PACS2: variants seen among roughly 807,000 people sequenced by gnomAD.
The protein encoded by PACS2 is PACS1-like protein.
Under a neutral mutation model 113.0 loss-of-function variants are expected in PACS2, and 36 were observed. The observed-to-expected ratio is 0.32, with a 90% CI of 0.24 to 0.42. The LOEUF is 0.42. Among genes scored for constraint, PACS2 ranks in the 10% least tolerant of loss-of-function variants. The probability of loss-of-function intolerance (pLI) is 1.00; values close to 1 mark genes in which losing one functional copy is unlikely to be tolerated. For missense variants in PACS2, 1,015 were observed against 1,239.5 expected, an observed-to-expected ratio of 0.82 and a Z score of 2.72; for synonymous variants, 589 against 536.1, an observed-to-expected ratio of 1.10 and a Z score of -1.36.
At position 105,380,102 on chromosome 14, in the gene PACS2, G is replaced by A. The variant is rs782336809; in HGVS notation, c.1073G>A (p.Arg358Gln). The A allele has an allele frequency of 8.4e-6, 13 of 1,553,084 alleles. No homozygotes were observed. Among genetic ancestry groups the A allele is most frequent in the South Asian group, 8.3e-5 (7 of 84,180 alleles). ...CAGGCTGACGTGCCCGAGAAGACGC[G>A]GTCCCTGGGAGGCAGGCAGCCGAGC... ...PSPADVPEKT[R>Q]SLGGRQPSDS... Residue 358 changes from arginine (R) to glutamine (Q), a missense_variant, in exon 11 of 25, where the codon CGG (arginine) becomes CAG (glutamine). Around this residue, in one of 3 missense-constraint regions of PACS2, gnomAD observed 859 missense variants for 1,056.8 expected, o/e 0.81. Transcript: ENST00000447393.
rs2060462366 is a variant in PACS2 at position 105,356,704 on chromosome 14, C to T, written c.423+1527C>T. Among the ~76,000 whole-genome samples, 2 of 151,306 alleles carry T rather than the reference C, an allele frequency of 1.3e-5. No homozygotes were observed. Among genetic ancestry groups the T allele is most frequent in the East Asian group, 2.0e-4 (1 of 5,128 alleles). On this transcript the variant is annotated intron_variant, in intron 4 of 24. Coordinates refer to ENST00000447393, the MANE Select transcript of PACS2 (RefSeq NM_001100913.3). This position sits in a 1 kb window ranked among gnomAD's most constrained non-coding sequence, Gnocchi z 4.0. ...TGATCCCTGCCGGTCCCTGTGTTTC[C>T]CATTAGCCATGCAGGCGAGGTCCTG...
chr14:105,385,077 G>A (rs1464338303), intron 18 of PACS2, 90 bp downstream of exon 18: 7 of 855,044 alleles, frequency 8.2e-6, no homozygotes, highest in Non-Finnish European at 1.3e-5. Context: ...GGCTTGGCCT[G>A]GTGGGCCGCA....
chr14:105,388,264 G>A (rs587594332), intron 19 of PACS2, among the ~76,000 whole-genome samples: 57 of 152,358 alleles, frequency 3.7e-4, no homozygotes, highest in African/African-American at 1.3e-3. Flanking sequence ...CTTGCCAGCC[G>A]CCGTCTCCTC....
Position 105,323,165 on chromosome 14 carries a change from C to T in PACS2, c.119+8128C>T, listed in dbSNP as rs1473275086. Among the ~76,000 whole-genome samples the T allele has an allele frequency of 6.6e-6, 1 of 152,210 alleles. No individual in the cohort carries two copies. The highest frequency in any genetic ancestry group is 1.5e-5 in the Non-Finnish European group (1 of 68,046). ...GCCTGAGTCGGGGTTACTAGACTTG[C>T]TGACTTTGTGGATCGATGATTTTCA... On this transcript the variant is annotated intron_variant, in intron 1 of 24. Transcript: ENST00000447393. This position sits in a 1 kb window ranked among gnomAD's most constrained non-coding sequence, Gnocchi z 4.1.
intron 4 of PACS2, among the ~76,000 whole-genome samples, chr14:105,362,956 C>T (rs1021344837): frequency 7.9e-5 from 12 of 152,064 alleles, no homozygotes; most frequent in Non-Finnish European, 1.8e-4. Flanking sequence ...CTGCGAGTCT[C>T]CAGCAGAGCT....
intron 1 of PACS2, among the ~76,000 whole-genome samples, chr14:105,306,871 G>C (rs2058203252): frequency 6.6e-6 from 1 of 151,982 alleles, no homozygotes; most frequent in Admixed American, 6.6e-5. Context: ...CTCCCAAAGT[G>C]CTGGGATTAC....
intron 1 of PACS2, among the ~76,000 whole-genome samples, chr14:105,327,063 G>A (rs2059139363): frequency 1.3e-5 from 2 of 152,234 alleles, no homozygotes; most frequent in South Asian, 4.1e-4. Flanking sequence ...GCTGAGCGTG[G>A]CTTATGTTTA....
chr14:105,381,382 C>G (rs1163848659), intron 12 of PACS2, among the ~76,000 whole-genome samples: 1 of 152,244 alleles, frequency 6.6e-6, no homozygotes, highest in African/African-American at 2.4e-5. Flanking sequence ...TGAGTAGCCC[C>G]TGCCTCAGCC....
At position 105,391,724 on chromosome 14, in the gene PACS2, C is replaced by A; in HGVS notation, c.2213C>A (p.Pro738Gln). The A allele has an allele frequency of 6.3e-7, 1 of 1,598,042 alleles. No homozygotes were observed. Among genetic ancestry groups the A allele is most frequent in the East Asian group, 2.3e-5 (1 of 44,270 alleles). The change falls in exon 22 of 25, where the codon CCG becomes CAG. Residue 738 changes from proline (P) to glutamine (Q), a missense_variant. Pro to Gln is a moderately conservative substitution (Grantham distance 76, BLOSUM62 -1). Around this residue, in one of 3 missense-constraint regions of PACS2, gnomAD observed 859 missense variants for 1,056.8 expected, o/e 0.81. Coordinates refer to ENST00000447393, the MANE Select transcript of PACS2 (RefSeq NM_001100913.3). The part of the protein sequence containing the change: ...SPAAKEASPT[P>Q]PSSPSVSGGL... Reference sequence around the variant, plus strand: ...GCGGCCAAGGAGGCCTCACCCACCCCGCCCTCCTCCCCGTCGGTGAGCGGA... The same window carrying A: ...GCGGCCAAGGAGGCCTCACCCACCCAGCCCTCCTCCCCGTCGGTGAGCGGA...
rs782653328 is a variant in PACS2 at position 105,368,137 on chromosome 14, T to G, written c.650T>G (p.Val217Gly). The part of the protein sequence containing the change: ...SSEQEASDDA[V>G]QGQDLDEDDF... Reference sequence around the variant, plus strand: ...GAGCAGGAGGCCAGTGACGACGCCGTGCAGGGGCAGGTGACCTGGGGCCGG... The same window carrying G: ...GAGCAGGAGGCCAGTGACGACGCCGGGCAGGGGCAGGTGACCTGGGGCCGG... The change falls in exon 6 of 25, where the codon GTG (valine) becomes GGG (glycine). Residue 217 changes from valine to glycine, a missense_variant. Physicochemically the swap from Val to Gly is moderately radical, Grantham distance 109. Around this residue, in one of 3 missense-constraint regions of PACS2, gnomAD observed 859 missense variants for 1,056.8 expected, o/e 0.81. Transcript: ENST00000447393. The G allele has an allele frequency of 6.2e-7, 1 of 1,608,244 alleles. No individual in the cohort carries two copies. The highest frequency in any genetic ancestry group is 1.7e-5 in the Admixed American group (1 of 60,006).
chr14:105,377,791 G>C (rs2080838046), intron 9 of PACS2, among the ~76,000 whole-genome samples: 1 of 152,242 alleles, frequency 6.6e-6, no homozygotes, highest in Non-Finnish European at 1.5e-5. Flanking sequence ...ACCAGAAACA[G>C]CCTCTGTTCC....
intron 4 of PACS2, among the ~76,000 whole-genome samples, chr14:105,361,049 TCCA>T (rs1253842192): frequency 6.6e-6 from 1 of 152,268 alleles, no homozygotes; most frequent in Non-Finnish European, 1.5e-5. Context: ...TCTTGCTATT[TCCA>T]CCACATGTGC....
chr14:105,344,054 A>G (rs1272914520), intron 1 of PACS2, among the ~76,000 whole-genome samples: 3 of 150,452 alleles, frequency 2.0e-5, no homozygotes, highest in Admixed American at 1.3e-4. Flanking sequence ...TGTAGCTGGG[A>G]CTACAGATGT....
At chr14:105,307,981 G>A (rs1306599833) in intron 1 of PACS2, among the ~76,000 whole-genome samples, 1 of 152,080 alleles carries the variant, frequency 6.6e-6, no homozygotes, top group African/African-American at 2.4e-5. Flanking sequence ...CCAGGAGTTC[G>A]AGACCAGCCT....
upstream of PACS2, among the ~76,000 whole-genome samples, chr14:105,313,081 A>G (rs1054242663): frequency 1.3e-5 from 2 of 152,186 alleles, no homozygotes; most frequent in Non-Finnish European, 2.9e-5. Flanking sequence ...GCTGGTGCCA[A>G]GCCCTGCTGT....
intron 1 of PACS2, among the ~76,000 whole-genome samples, chr14:105,307,342 C>T (rs1176253684): frequency 6.6e-6 from 1 of 152,174 alleles, no homozygotes; most frequent in Non-Finnish European, 1.5e-5. Flanking sequence ...TAGATACCAC[C>T]CCCAAGCCCA....
intron 4 of PACS2, among the ~76,000 whole-genome samples, chr14:105,361,622 A>G (rs2060681739): frequency 6.6e-6 from 1 of 152,042 alleles, no homozygotes; most frequent in Non-Finnish European, 1.5e-5. Context: ...GGGTGACAAG[A>G]GTGAGACTCC....
intron 1 of PACS2, among the ~76,000 whole-genome samples, chr14:105,347,021 A>C (rs2140996663): frequency 9.9e-6 from 1 of 101,130 alleles, no homozygotes; most frequent in East Asian, 2.7e-4. Context: ...CCCCGCCTGC[A>C]CGGCTCCCCC....
At chr14:105,335,372 CGCCTGGCGTGGCTCTG>C (rs1566913316) in intron 1 of PACS2, among the ~76,000 whole-genome samples, 18 of 146,758 alleles carry the variant, frequency 1.2e-4, no homozygotes, top group African/African-American at 4.8e-4. Flanking sequence ...CTGTGGCCGG[CGCCTGGCGTGGCTCTG>C]ACGCTGTGGC....
Sources: allele counts gnomAD v4.1 joint callset (sites outside exome capture counted in the v4.1 genomes callset), GRCh38; gene constraint gnomAD v4.1.1; regional missense constraint gnomAD v4.1.1; non-coding constraint Gnocchi (gnomAD v3.1); transcripts MANE v1.5; gene names NCBI Gene and HGNC (gene_info 2026-07-23, HGNC 2026-07-21).